Variants in CHST11 observed in about 807,000 individuals in gnomAD.
The protein encoded by CHST11 is carbohydrate sulfotransferase 11.
CHST11 carries 9 observed loss-of-function variants against 30.4 expected under a neutral mutation model. The observed-to-expected ratio is 0.30, with a 90% confidence interval of 0.18 to 0.52. The LOEUF (loss-of-function observed/expected upper bound fraction) is 0.52, where lower values mean the gene tolerates loss of function less well. CHST11 is among the 20% of genes least tolerant of loss of function. The pLI is 0.97. For synonymous variants in CHST11, 152 were observed against 187.8 expected, an observed-to-expected ratio of 0.81 and a Z score of 1.56; for missense variants, 348 against 460.6, an observed-to-expected ratio of 0.76 and a Z score of 2.24.
chr12:104,593,590 T>C (rs1468925144), intron 1 of CHST11, among the ~76,000 whole-genome samples: 1 of 152,232 alleles, frequency 6.6e-6, no homozygotes, highest in Non-Finnish European at 1.5e-5. Flanking sequence ...TTGCTTGGTC[T>C]CTATCAGTCC....
At position 104,729,023 on chromosome 12, in the gene CHST11, A is replaced by G. The variant is rs1182859773; in HGVS notation, c.205-27926A>G. ...CTGGGAAAACATCAAAACAGGGATA[A>G]TAATTACCTCTGGTTAATGGGAATT... On this transcript the variant is annotated intron_variant, in intron 2 of 2. Transcript: ENST00000303694. This position sits in a 1 kb window ranked among gnomAD's most constrained non-coding sequence, Gnocchi z 4.0. Among the ~76,000 whole-genome samples, 3 of 152,240 alleles carry G rather than the reference A, an allele frequency of 2.0e-5. No individual in the cohort carries two copies. The highest frequency in any genetic ancestry group is 1.3e-4 in the Admixed American group (2 of 15,288).
intron 2 of CHST11, among the ~76,000 whole-genome samples, chr12:104,687,156 T>C (rs1026373826): frequency 6.6e-6 from 1 of 152,246 alleles, no homozygotes; most frequent in African/African-American, 2.4e-5. Flanking sequence ...GGGCCTAGGA[T>C]TCAGAAGTTG....
At chr12:104,616,818 C>A (rs2039112446) in intron 2 of CHST11, among the ~76,000 whole-genome samples, 1 of 152,252 alleles carries the variant, frequency 6.6e-6, no homozygotes, top group Non-Finnish European at 1.5e-5. Flanking sequence ...ACTGGACAAG[C>A]CTTCTTAGAG....
chr12:104,615,756 C>T lies in CHST11; in HGVS notation c.204+13765C>T, dbSNP rs944587566. ...AGTCTGGCCAACATGGTGGAAACCC[C>T]GTCTCTGCCAAAAATACAAAAATTA... On this transcript the variant is annotated intron_variant, in intron 2 of 2. Coordinates refer to ENST00000303694, the MANE Select transcript of CHST11 (RefSeq NM_018413.6). Among the ~76,000 whole-genome samples the T allele has an allele frequency of 5.3e-5, 8 of 152,200 alleles. No homozygotes were observed. In the South Asian group the frequency reaches 1.0e-3, roughly 20 times the overall value.
chr12:104,529,242 G>T (rs1308045597), intron 1 of CHST11, among the ~76,000 whole-genome samples: 2 of 152,288 alleles, frequency 1.3e-5, no homozygotes, highest in East Asian at 1.9e-4. Context: ...ATTTCTGGGG[G>T]TTATTAGATT....
At chr12:104,571,080 A>G (rs1017007582) in intron 1 of CHST11, among the ~76,000 whole-genome samples, 8 of 152,176 alleles carry the variant, frequency 5.3e-5, no homozygotes, top group African/African-American at 1.9e-4. Flanking sequence ...GAGATGAGAA[A>G]ATGGCAGAGA....
chr12:104,667,530 G>T (rs116952209), intron 2 of CHST11, among the ~76,000 whole-genome samples: 430 of 152,342 alleles, frequency 2.8e-3, no homozygotes, highest in Admixed American at 4.5e-3. Context: ...CGTCATTTGG[G>T]AAGGAGCCAA....
intron 2 of CHST11, among the ~76,000 whole-genome samples, chr12:104,733,529 C>T (rs2040273779): frequency 6.6e-6 from 1 of 152,230 alleles, no homozygotes; most frequent in Non-Finnish European, 1.5e-5. Context: ...TTGACACACA[C>T]TGTGTTTCAG....
chr12:104,476,053 AATAT>A (rs1025938624), intron 1 of CHST11, among the ~76,000 whole-genome samples: 1 of 144,398 alleles, frequency 6.9e-6, no homozygotes, highest in African/African-American at 2.5e-5. Context: ...TAATACTTGT[AATAT>A]ATAATTACAT....
intron 2 of CHST11, among the ~76,000 whole-genome samples, chr12:104,725,467 G>A (rs774365564): frequency 1.3e-5 from 2 of 151,564 alleles, no homozygotes; most frequent in African/African-American, 2.4e-5. Context: ...CAGTTCTCAG[G>A]TTCCTTTCAA....
chr12:104,634,518 C>T (rs1379583206), intron 2 of CHST11, among the ~76,000 whole-genome samples: 1 of 152,234 alleles, frequency 6.6e-6, no homozygotes, highest in Admixed American at 6.5e-5. Flanking sequence ...TCCTTTGCCA[C>T]GTGCCCGACA....
At chr12:104,720,953 C>T (rs1027247051) in intron 2 of CHST11, among the ~76,000 whole-genome samples, 4 of 152,120 alleles carry the variant, frequency 2.6e-5, no homozygotes, top group Non-Finnish European at 5.9e-5. Context: ...GTAGGAAGGG[C>T]GGAGAAACCA....
intron 2 of CHST11, among the ~76,000 whole-genome samples, chr12:104,716,134 A>G (rs2136123446): frequency 6.6e-6 from 1 of 152,310 alleles, no homozygotes; most frequent in East Asian, 1.9e-4. Context: ...GGGCTCTGTC[A>G]TATTTAGCCC....
intron 1 of CHST11, among the ~76,000 whole-genome samples, chr12:104,532,123 C>T (rs2038191319): frequency 6.6e-6 from 1 of 152,194 alleles, no homozygotes; most frequent in South Asian, 2.1e-4. Context: ...TCCCTCACAC[C>T]CTGGCTTCCA....
intron 2 of CHST11, among the ~76,000 whole-genome samples, chr12:104,645,323 C>T (rs941154866): frequency 1.3e-5 from 2 of 152,300 alleles, no homozygotes; most frequent in African/African-American, 2.4e-5. Context: ...GGCAATAATC[C>T]TCTGAGGTGG....
At chr12:104,531,346 C>T (rs1213311887) in intron 1 of CHST11, among the ~76,000 whole-genome samples, 2 of 151,496 alleles carry the variant, frequency 1.3e-5, no homozygotes, top group Non-Finnish European at 2.9e-5. Context: ...AAAAATTAGC[C>T]AGGTGTTGTG....
chr12:104,472,210 A>G (rs1225907796), intron 1 of CHST11, among the ~76,000 whole-genome samples: 1 of 151,582 alleles, frequency 6.6e-6, no homozygotes, highest in East Asian at 1.9e-4. Flanking sequence ...CCTGGGCTCA[A>G]GGGATCTTGC....
chr12:104,547,431 C>T (rs1231734767), intron 1 of CHST11, among the ~76,000 whole-genome samples: 4 of 152,172 alleles, frequency 2.6e-5, no homozygotes, highest in Non-Finnish European at 5.9e-5. Flanking sequence ...AGTACTTCCC[C>T]GGCCAGTTAA....
In CHST11 at chr12:104,518,467, G is replaced by A. The variant is rs190952831; in HGVS notation, c.118+60938G>A. On this transcript the variant is annotated intron_variant, in intron 1 of 2. Coordinates refer to ENST00000303694, the MANE Select transcript of CHST11 (RefSeq NM_018413.6). ...GTCAGTTGCCTTTGTGCCAGATTCA[G>A]TTGGACTCTGATAAAGACCTAGGCA... is the stretch of plus-strand genomic sequence containing the variant. Among the ~76,000 whole-genome samples, 45 of 152,250 alleles carry A rather than the reference G, an allele frequency of 3.0e-4. No homozygotes were observed. The South Asian group carries it at 5.0e-3, about 17-fold the overall frequency.
Sources: allele counts gnomAD v4.1 joint callset (sites outside exome capture counted in the v4.1 genomes callset), GRCh38; gene constraint gnomAD v4.1.1; non-coding constraint Gnocchi (gnomAD v3.1); transcripts MANE v1.5; gene names NCBI Gene and HGNC (gene_info 2026-07-23, HGNC 2026-07-21).